Variants in ZNF181 observed in about 807,000 individuals in gnomAD.
The protein encoded by ZNF181 is zinc finger protein 181, also known as zinc finger protein 181 (HHZ181).
In ZNF181, 8 loss-of-function variants were observed where a neutral mutation model predicts 11.9. The ratio of observed to expected loss-of-function variants is 0.67; its 90% CI spans 0.39 to 1.21. ZNF181 has a LOEUF of 1.21. Ranked by LOEUF, ZNF181 falls within the 50% of genes most tolerant of loss-of-function variation. The pLI is 0.01. For synonymous variants in ZNF181, 202 were observed against 221.1 expected (o/e 0.91, Z 0.77); for missense variants, 542 against 670.9 (o/e 0.81, Z 2.12).
At position 34,741,339 on chromosome 19, in the gene ZNF181, C is replaced by T. The variant is rs1568485300; in HGVS notation, c.958C>T (p.Pro320Ser). 3 of 1,613,834 alleles carry T rather than the reference C, an allele frequency of 1.9e-6. No individual in the cohort carries two copies. Among genetic ancestry groups the T allele is most frequent in the Non-Finnish European group, 2.5e-6 (3 of 1,179,796 alleles). ...TCAGAGCACTCACACTGGAGAGAAA[C>T]CATATGAATGTATGAACTGTGGAAA... ...NHQSTHTGEK[P>S]YECMNCGKSF... Residue 320 changes from proline to serine, a missense_variant, in exon 4 of 4, where the codon CCA becomes TCA. Pro to Ser is a moderately conservative substitution (Grantham distance 74). Transcript: ENST00000492450.
chr19:34,739,114 C>G (rs779772124), intron 1 of ZNF181, 34 bp from the exon 2 acceptor site: 102 of 1,612,662 alleles, frequency 6.3e-5, no homozygotes, highest in Non-Finnish European at 8.3e-5. Flanking sequence ...GAGGCCTGGG[C>G]TATGGCTGAG....
intron 1 of ZNF181, among the ~76,000 whole-genome samples, chr19:34,735,417 T>G (rs531516497): frequency 6.6e-6 from 1 of 152,344 alleles, no homozygotes; most frequent in Non-Finnish European, 1.5e-5. Flanking sequence ...ATACCTATAT[T>G]CAGATCCTCT....
rs1271435250 is a variant in ZNF181, at chr19:34,744,975, T to A, written c.*2878T>A. The A allele has an allele frequency of 6.6e-6, 1 of 152,226 alleles. No homozygotes were observed. Among genetic ancestry groups the A allele is most frequent in the African/African-American group, 2.4e-5 (1 of 41,454 alleles). 9.4% of individuals were successfully genotyped at this position (152,226 alleles called of 1,614,324 possible). On this transcript the variant is annotated 3_prime_UTR_variant, in exon 4 of 4. Coordinates refer to ENST00000492450, the MANE Select transcript of ZNF181 (RefSeq NM_001029997.4). ...CATGATAATGCTTTACGTTTCTGGA[T>A]TTAAAGTGCCTTCACAATACAGAAC...
Position 34,739,133 on chromosome 19 carries a change from TG to T in ZNF181, c.10-14del. Reference sequence around the variant, plus strand: ...CCTGGGCTATGGCTGAGCCTAAATATGTTTGCTATTTCAGGTGACATTTAAT... The same window carrying T: ...CCTGGGCTATGGCTGAGCCTAAATATTTTGCTATTTCAGGTGACATTTAAT... On this transcript the variant is annotated splice_polypyrimidine_tract_variant and intron_variant, in intron 1 of 3. Transcript: ENST00000492450. 6.2e-7 allele frequency: 1 copy of T among 1,613,434 alleles called. No homozygotes were observed. Among genetic ancestry groups the T allele is most frequent in the Non-Finnish European group, 8.5e-7 (1 of 1,179,480 alleles).
chr19:34,734,881 G>A lies in ZNF181; in HGVS notation c.-157G>A, dbSNP rs927927923. On this transcript the variant is annotated 5_prime_UTR_variant, in exon 1 of 4. It adds an upstream start codon to the 5' untranslated region. Coordinates refer to ENST00000492450, the MANE Select transcript of ZNF181 (RefSeq NM_001029997.4). ...TTGGCGCCCTGGAGAGTGATTACCA[G>A]TGTGCCTTTCCATTATGGTGTGTCA... 12 of 676,830 alleles carry A rather than the reference G, an allele frequency of 1.8e-5. No individual in the cohort carries two copies. In the African/African-American group the frequency reaches 2.2e-4, roughly 12 times the overall value. The allele number at this position is 676,830 out of a possible 1,614,324, so 41.9% of individuals were successfully genotyped here. A position where few individuals can be genotyped will look rare whatever the true frequency, so the allele number is the denominator to read the frequency against.
chr19:34,742,211 A>G lies in ZNF181; in HGVS notation c.*114A>G, dbSNP rs770996890. ...AATATAGGAAGACCTTTTAGCAAAG[A>G]TGCAGGCCAGTTTGTTTATTAGACT... On this transcript the variant is annotated 3_prime_UTR_variant, in exon 4 of 4. Coordinates refer to ENST00000492450, the MANE Select transcript of ZNF181 (RefSeq NM_001029997.4). The G allele has an allele frequency of 7.4e-6, 8 of 1,074,888 alleles. No homozygotes were observed. Among genetic ancestry groups the G allele is most frequent in the South Asian group, 1.8e-5 (1 of 55,032 alleles). The allele number at this position is 1,074,888 out of a possible 1,614,324, so 66.6% of individuals were successfully genotyped here.
chr19:34,744,030 A>C lies in ZNF181; in HGVS notation c.*1933A>C, dbSNP rs555253621. 6.6e-6 allele frequency: 1 copy of C among 152,368 alleles called. No homozygotes were observed. Among genetic ancestry groups the C allele is most frequent in the African/African-American group, 2.4e-5 (1 of 41,592 alleles). The allele number at this position is 152,368 out of a possible 1,614,324, so 9.4% of individuals were successfully genotyped here. A position where few individuals can be genotyped will look rare whatever the true frequency, so the allele number is the denominator to read the frequency against. Reference sequence around the variant, plus strand: ...CAAGTGAAGGGGTGTGATATGGATTATGCTTCAGATTTTGTTCTTTATCTC... The same window carrying C: ...CAAGTGAAGGGGTGTGATATGGATTCTGCTTCAGATTTTGTTCTTTATCTC... On this transcript the variant is annotated 3_prime_UTR_variant, in exon 4 of 4. Coordinates refer to ENST00000492450, the MANE Select transcript of ZNF181 (RefSeq NM_001029997.4).
Position 34,740,763 on chromosome 19 carries a change from G to A in ZNF181, c.382G>A (p.Glu128Lys). Residue 128 changes from glutamate to lysine, a missense_variant, in exon 4 of 4, where the codon GAA (glutamate) becomes AAA (lysine). Glu to Lys is a moderately conservative substitution (Grantham distance 56). Coordinates refer to ENST00000492450, the MANE Select transcript of ZNF181 (RefSeq NM_001029997.4). ...KKNLEYIEKL[E>K]GKHGSQVDHF... ...GAATTTGGAATATATAGAGAAGTTG[G>A]AAGGGAAGCATGGAAGTCAGGTAGA... 3 of 1,613,924 alleles carry A rather than the reference G, an allele frequency of 1.9e-6. No individual in the cohort carries two copies. The highest frequency in any genetic ancestry group is 2.5e-6 in the Non-Finnish European group (3 of 1,179,950).
rs752055681 is a variant in ZNF181, at chr19:34,736,029, G to C, written c.9+983G>C. 4.4e-6 allele frequency: 3 copies of C among 682,372 alleles called. No homozygotes were observed. In the South Asian group the frequency reaches 4.7e-5, roughly 11 times the overall value. The allele number at this position is 682,372 out of a possible 1,614,324, so 42.3% of individuals were successfully genotyped here. A position where few individuals can be genotyped will look rare whatever the true frequency, so the allele number is the denominator to read the frequency against. On this transcript the variant is annotated intron_variant, in intron 1 of 3. Coordinates refer to ENST00000492450, the MANE Select transcript of ZNF181 (RefSeq NM_001029997.4). Reference sequence around the variant, plus strand: ...CAGTATATGCACATGCTCATTGTCTGTTCCTGGTGGGAGGAATCTTTTTTC... The same window carrying C: ...CAGTATATGCACATGCTCATTGTCTCTTCCTGGTGGGAGGAATCTTTTTTC...
chr19:34,741,604 A>G lies in ZNF181; in HGVS notation c.1223A>G (p.Asn408Ser). 6.2e-7 allele frequency: 1 copy of G among 1,614,014 alleles called. No homozygotes were observed. The highest frequency in any genetic ancestry group is 1.1e-5 in the South Asian group (1 of 91,070). The stretch of plus-strand genomic sequence containing the variant: ...ACTATGGAGAAACAATATGAATGCA[A>G]CAAATGTCTGAAAGTCTTTAGTAGC... ...IHTMEKQYEC[N>S]KCLKVFSSLS... is the part of the protein sequence containing the mutation. Residue 408 changes from asparagine (N) to serine (S), a missense_variant, in exon 4 of 4, where the codon AAC becomes AGC. By Grantham distance (46) the Asn-to-Ser change is conservative (BLOSUM62 1). Transcript: ENST00000492450.
intron 1 of ZNF181, among the ~76,000 whole-genome samples, chr19:34,737,410 T>A (rs1365225913): frequency 6.6e-6 from 1 of 152,254 alleles, no homozygotes; most frequent in African/African-American, 2.4e-5. Flanking sequence ...GCAAGCAGTC[T>A]GTTTCACAAA....
At chr19:34,737,621 T>C (rs1029936760) in intron 1 of ZNF181, among the ~76,000 whole-genome samples, 3 of 152,230 alleles carry the variant, frequency 2.0e-5, no homozygotes, top group Non-Finnish European at 4.4e-5. Context: ...TACCCCTTTA[T>C]TTTTTTCCCT....
rs538871566 is a variant in ZNF181, at chr19:34,742,870, A to C, written c.*773A>C. 1 of 152,196 alleles carries C rather than the reference A, an allele frequency of 6.6e-6. No individual in the cohort carries two copies. The highest frequency in any genetic ancestry group is 2.4e-5 in the African/African-American group (1 of 41,454). 9.4% of individuals were successfully genotyped at this position (152,196 alleles called of 1,614,324 possible). ...CTAATAAAATCATTTTGTATATCAC[A>C]AACTCTTTCACTGTGACTATTTCCT... is the stretch of plus-strand genomic sequence containing the variant. On this transcript the variant is annotated 3_prime_UTR_variant, in exon 4 of 4. Coordinates refer to ENST00000492450, the MANE Select transcript of ZNF181 (RefSeq NM_001029997.4).
At position 34,741,186 on chromosome 19, in the gene ZNF181, G is replaced by C. The variant is rs778318889; in HGVS notation, c.805G>C (p.Glu269Gln). ...AGGAGAGAAGCCCTATGAATGTCGT[G>C]AATGTGGGAAGACTTTTAGCCATGG... ...HTGEKPYECR[E>Q]CGKTFSHGSS... The change falls in exon 4 of 4, where the codon GAA becomes CAA. Residue 269 changes from glutamate to glutamine, a missense_variant. Physicochemically the swap from Glu to Gln is conservative, Grantham distance 29 (BLOSUM62 2). Transcript: ENST00000492450. 1.2e-6 allele frequency: 2 copies of C among 1,614,102 alleles called. No individual in the cohort carries two copies. The highest frequency in any genetic ancestry group is 1.7e-6 in the Non-Finnish European group (2 of 1,179,946).
At position 34,741,625 on chromosome 19, in the gene ZNF181, G is replaced by C; in HGVS notation, c.1244G>C (p.Ser415Thr). ...YECNKCLKVF[S>T]SLSFLVQHQS... Reference sequence around the variant, plus strand: ...TGCAACAAATGTCTGAAAGTCTTTAGTAGCCTCTCATTTCTTGTTCAGCAT... The same window carrying C: ...TGCAACAAATGTCTGAAAGTCTTTACTAGCCTCTCATTTCTTGTTCAGCAT... Residue 415 changes from serine to threonine, a missense_variant, in exon 4 of 4, where the codon AGT (serine) becomes ACT (threonine). Physicochemically the swap from Ser to Thr is moderately conservative, Grantham distance 58. Transcript: ENST00000492450. The C allele has an allele frequency of 6.2e-7, 1 of 1,613,854 alleles. No individual in the cohort carries two copies. The highest frequency in any genetic ancestry group is 8.5e-7 in the Non-Finnish European group (1 of 1,179,916).
At position 34,743,706 on chromosome 19, in the gene ZNF181, C is replaced by T. The variant is rs115338555; in HGVS notation, c.*1609C>T. On this transcript the variant is annotated 3_prime_UTR_variant, in exon 4 of 4. Transcript: ENST00000492450. ...TTTCTCTATCCCTGAGTCATAGTTA[C>T]GGGAGTTTACCTTGAAATCACTAGC... 3 of 152,172 alleles carry T rather than the reference C, an allele frequency of 2.0e-5. No homozygotes were observed. Among genetic ancestry groups the T allele is most frequent in the East Asian group, 1.9e-4 (1 of 5,190 alleles). The allele number at this position is 152,172 out of a possible 1,614,324, so 9.4% of individuals were successfully genotyped here. A position where few individuals can be genotyped will look rare whatever the true frequency, so the allele number is the denominator to read the frequency against.
At position 34,744,062 on chromosome 19, in the gene ZNF181, G is replaced by C. The variant is rs1038369709; in HGVS notation, c.*1965G>C. ...AGATTTTGTTCTTTATCTCAGGTGAGAGTAGTAAGATATGTTATTTTAAAA... is the reference window on the plus strand; with the variant it reads ...AGATTTTGTTCTTTATCTCAGGTGACAGTAGTAAGATATGTTATTTTAAAA... On this transcript the variant is annotated 3_prime_UTR_variant, in exon 4 of 4. Transcript: ENST00000492450. The C allele has an allele frequency of 6.6e-6, 1 of 152,198 alleles. No homozygotes were observed. The highest frequency in any genetic ancestry group is 1.5e-5 in the Non-Finnish European group (1 of 68,036). The allele number at this position is 152,198 out of a possible 1,614,324, so 9.4% of individuals were successfully genotyped here. A position where few individuals can be genotyped will look rare whatever the true frequency, so the allele number is the denominator to read the frequency against.
intron 1 of ZNF181, 104 bp from the exon 2 acceptor site, chr19:34,739,044 T>C: frequency 7.2e-6 from 11 of 1,538,260 alleles, no homozygotes; most frequent in Non-Finnish European, 8.8e-6. Context: ...CCACAACTCC[T>C]GAATCTTGTT....
In ZNF181 at chr19:34,744,966, G is replaced by A. The variant is rs757161414; in HGVS notation, c.*2869G>A. On this transcript the variant is annotated 3_prime_UTR_variant, in exon 4 of 4. Transcript: ENST00000492450. ...GGGCATACACATGATAATGCTTTAC[G>A]TTTCTGGATTTAAAGTGCCTTCACA... 2.0e-5 allele frequency: 3 copies of A among 152,164 alleles called. No individual in the cohort carries two copies. Among genetic ancestry groups the A allele is most frequent in the Non-Finnish European group, 2.9e-5 (2 of 68,022 alleles). The allele number at this position is 152,164 out of a possible 1,614,324, so 9.4% of individuals were successfully genotyped here.
Sources: allele counts gnomAD v4.1 joint callset (sites outside exome capture counted in the v4.1 genomes callset), GRCh38; gene constraint gnomAD v4.1.1; transcripts MANE v1.5; gene names NCBI Gene and HGNC (gene_info 2026-07-23, HGNC 2026-07-21).